Variants in ACTL8 observed in about 807,000 individuals in gnomAD.
ACTL8 encodes actin like 8, also known as actin-like protein 8.
ACTL8 carries 3 observed loss-of-function variants against 9.3 expected under a neutral mutation model. The observed-to-expected ratio is 0.32, with a 90% CI of 0.15 to 0.83. ACTL8 has a LOEUF of 0.83. Ranked by LOEUF, ACTL8 falls within the 40% of genes least tolerant of loss-of-function variation. ACTL8 has a pLI of 0.57. For missense variants in ACTL8, 381 were observed against 492.2 expected (o/e 0.77, Z 2.14); for synonymous variants, 224 against 205.9 (o/e 1.09, Z -0.75).
rs1046741508 is a variant in ACTL8 at position 17,777,001 on chromosome 1, T to A, written c.-25+21497T>A. 5.0e-5 allele frequency among the ~76,000 whole-genome samples: 6 copies of A among 119,878 alleles called. No homozygotes were observed. The East Asian group carries it at 1.4e-3, about 29-fold the overall frequency. 78.6% of individuals were successfully genotyped at this position (119,878 alleles called of 152,430 possible). A position where few individuals can be genotyped will look rare whatever the true frequency, so the allele number is the denominator to read the frequency against. On this transcript the variant is annotated intron_variant, in intron 1 of 2. Coordinates refer to ENST00000375406, the MANE Select transcript of ACTL8 (RefSeq NM_030812.3). ...TTTTTTTTTTTTTTTTTTTTTTTTTTTTTTAGAGATGGGGGTCTTGCCATG... is the reference window on the plus strand; with the variant it reads ...TTTTTTTTTTTTTTTTTTTTTTTTTATTTTAGAGATGGGGGTCTTGCCATG...
At chr1:17,825,673 A>T (rs2053709071) in intron 2 of ACTL8, 94 bp from the exon 3 acceptor site, 8 of 1,482,858 alleles carry the variant, frequency 5.4e-6, no homozygotes, top group Non-Finnish European at 7.2e-6. Context: ...GCAGCCCGAG[A>T]GTCCCCCCGA....
At chr1:17,774,478 C>G (rs2066104748) in intron 1 of ACTL8, among the ~76,000 whole-genome samples, 1 of 151,966 alleles carries the variant, frequency 6.6e-6, no homozygotes, top group Admixed American at 6.6e-5. Flanking sequence ...GTTTAGGGAG[C>G]CTTGAAAATT....
chr1:17,767,173 A>C lies in ACTL8; in HGVS notation c.-25+11669A>C, dbSNP rs1233563258. Reference sequence around the variant, plus strand: ...GAAGAAGGGGTTCCAGGCAGAGAGCAGCGTCTGCAAAGGCCCTGCGGTGGG... The same window carrying C: ...GAAGAAGGGGTTCCAGGCAGAGAGCCGCGTCTGCAAAGGCCCTGCGGTGGG... On this transcript the variant is annotated intron_variant, in intron 1 of 2. Coordinates refer to ENST00000375406, the MANE Select transcript of ACTL8 (RefSeq NM_030812.3). This position sits in a 1 kb window ranked among gnomAD's most constrained non-coding sequence, Gnocchi z 4.7. Among the ~76,000 whole-genome samples the C allele has an allele frequency of 1.3e-5, 2 of 152,156 alleles. No homozygotes were observed. The highest frequency in any genetic ancestry group is 4.8e-5 in the African/African-American group (2 of 41,436).
intron 1 of ACTL8, among the ~76,000 whole-genome samples, chr1:17,798,401 C>T (rs1373632065): frequency 6.6e-6 from 1 of 152,084 alleles, no homozygotes; most frequent in East Asian, 1.9e-4. Context: ...AGGGAGGACC[C>T]AGACGGGAGT....
chr1:17,776,191 C>T (rs1257454413), intron 1 of ACTL8, among the ~76,000 whole-genome samples: 1 of 152,220 alleles, frequency 6.6e-6, no homozygotes, highest in Non-Finnish European at 1.5e-5. Flanking sequence ...AGGATGAAGA[C>T]AGCACGAAGG....
chr1:17,813,276 T>C (rs1348915392), intron 1 of ACTL8, among the ~76,000 whole-genome samples: 1 of 152,234 alleles, frequency 6.6e-6, no homozygotes, highest in African/African-American at 2.4e-5. Context: ...GTTGTAGGTG[T>C]TTGGATATTC....
chr1:17,786,247 A>G (rs891826656), intron 1 of ACTL8, among the ~76,000 whole-genome samples: 1 of 152,206 alleles, frequency 6.6e-6, no homozygotes, highest in African/African-American at 2.4e-5. Context: ...GAGAGGATTT[A>G]TCACCTCTGC....
chr1:17,805,377 C>CTTTTT (rs56870755), intron 1 of ACTL8, among the ~76,000 whole-genome samples: 40 of 100,166 alleles, frequency 4.0e-4, no homozygotes, highest in Non-Finnish European at 4.9e-4. Context: ...TTTTCTTTTT[C>CTTTTT]TTTTTTTTTT....
At chr1:17,777,825 A>C (rs2066127920) in intron 1 of ACTL8, among the ~76,000 whole-genome samples, 1 of 152,138 alleles carries the variant, frequency 6.6e-6, no homozygotes, top group Non-Finnish European at 1.5e-5. Context: ...CAGCCTCCCG[A>C]GTAGCTGAAC....
chr1:17,813,712 T>C (rs910347300), intron 1 of ACTL8, among the ~76,000 whole-genome samples: 2 of 152,208 alleles, frequency 1.3e-5, no homozygotes, highest in African/African-American at 4.8e-5. Context: ...CTTCCTTAAA[T>C]GTTGGGTAAA....
At chr1:17,815,199 C>A (rs537131022) in intron 1 of ACTL8, among the ~76,000 whole-genome samples, 29 of 152,344 alleles carry the variant, frequency 1.9e-4, no homozygotes, top group African/African-American at 6.7e-4. Flanking sequence ...AATGGCCATA[C>A]ATATTTTGGG....
At chr1:17,806,759 C>A (rs953873408) in intron 1 of ACTL8, among the ~76,000 whole-genome samples, 5 of 152,232 alleles carry the variant, frequency 3.3e-5, no homozygotes, top group African/African-American at 9.6e-5. Flanking sequence ...CAGAGCCCTG[C>A]GACCTGCTGC....
intron 1 of ACTL8, among the ~76,000 whole-genome samples, chr1:17,790,155 G>A (rs867556453): frequency 4.6e-5 from 7 of 152,340 alleles, no homozygotes; most frequent in South Asian, 4.1e-4. Context: ...CAGCTTCCAC[G>A]GCTGGCACCG....
intron 1 of ACTL8, among the ~76,000 whole-genome samples, chr1:17,794,769 A>G (rs1410427445): frequency 6.6e-6 from 1 of 152,240 alleles, no homozygotes; most frequent in Non-Finnish European, 1.5e-5. Flanking sequence ...GGCAACGTAG[A>G]GATCCCACAG....
chr1:17,803,653 A>G (rs548062196), intron 1 of ACTL8, among the ~76,000 whole-genome samples: 1 of 152,332 alleles, frequency 6.6e-6, no homozygotes, highest in South Asian at 2.1e-4. Context: ...CTTATTTAGC[A>G]GCATGAGGAC....
chr1:17,783,002 A>G (rs1389511050), intron 1 of ACTL8, among the ~76,000 whole-genome samples: 3 of 152,202 alleles, frequency 2.0e-5, no homozygotes, highest in Non-Finnish European at 2.9e-5. Context: ...CACACCCAGT[A>G]TGCCAGGCCA....
At chr1:17,794,472 AG>A (rs1321549095) in intron 1 of ACTL8, among the ~76,000 whole-genome samples, 1 of 152,226 alleles carries the variant, frequency 6.6e-6, no homozygotes, top group Admixed American at 6.5e-5. Flanking sequence ...GCTCCACAGG[AG>A]AAATGGCTTT....
intron 1 of ACTL8, among the ~76,000 whole-genome samples, chr1:17,756,263 C>G (rs995998309): frequency 2.6e-5 from 4 of 151,888 alleles, no homozygotes; most frequent in African/African-American, 7.2e-5. Context: ...TTTTTTAAAC[C>G]TCTAGTGGGG....
intron 1 of ACTL8, among the ~76,000 whole-genome samples, chr1:17,762,061 T>A (rs2066010074): frequency 6.6e-6 from 1 of 152,012 alleles, no homozygotes; most frequent in African/African-American, 2.4e-5. Context: ...AACCTTCACC[T>A]TACTCAAGAT....
Sources: gnomAD v4.1 joint callset for allele counts (sites outside exome capture counted in the v4.1 genomes callset) on GRCh38, gnomAD v4.1.1 for gene constraint, Gnocchi (gnomAD v3.1) non-coding constraint, MANE v1.5 for transcripts, NCBI Gene and HGNC (gene_info 2026-07-23, HGNC 2026-07-21) for gene names.